C16orf96: variants seen among roughly 807,000 people sequenced by gnomAD.
C16orf96 encodes the protein uncharacterized protein C16orf96.
A neutral mutation model predicts 103.6 loss-of-function variants in C16orf96; 108 were observed. The ratio of observed to expected loss-of-function variants is 1.04; its 90% CI spans 0.89 to 1.22. C16orf96 has a LOEUF of 1.22. C16orf96 is among the 50% of genes most tolerant of loss of function. The pLI is 0.00. For synonymous variants in C16orf96, 566 were observed against 593.5 expected, an observed-to-expected ratio of 0.95 and a Z score of 0.67; for missense variants, 1,586 against 1,464.2, an observed-to-expected ratio of 1.08 and a Z score of -1.36.
intron 7 of C16orf96, among the ~76,000 whole-genome samples, chr16:4,580,747 G>A (rs1319500363): frequency 6.6e-6 from 1 of 152,078 alleles, no homozygotes; most frequent in Non-Finnish European, 1.5e-5. Flanking sequence ...AGCACTTTGG[G>A]AGGCCGAGGT....
chr16:4,547,359 ACTC>A, the C16orf96 span, among the ~76,000 whole-genome samples: 2 of 151,320 alleles, frequency 1.3e-5, no homozygotes, highest in African/African-American at 2.4e-5. Flanking sequence ...CTGATCTTGA[ACTC>A]CTGACCTCAA....
intron 14 of C16orf96, 30 bp from the exon 15 acceptor site, chr16:4,599,254 C>T (rs1325155369): frequency 2.6e-6 from 4 of 1,546,036 alleles, no homozygotes; most frequent in Non-Finnish European, 3.5e-6. Flanking sequence ...TGGATGCCAC[C>T]CACACCTGTC....
chr16:4,541,800 T>C, the C16orf96 span, among the ~76,000 whole-genome samples: 2,677 of 152,250 alleles, frequency 0.018, 81 homozygotes, highest in African/African-American at 0.06. Context: ...TTGAGTTCAA[T>C]TGCACTGAAT....
chr16:4,548,684 C>T, the C16orf96 span, among the ~76,000 whole-genome samples: 1 of 152,042 alleles, frequency 6.6e-6, no homozygotes, highest in Non-Finnish European at 1.5e-5. Context: ...ACCAGCCTGG[C>T]CAACATGGTG....
intron 14 of C16orf96, among the ~76,000 whole-genome samples, chr16:4,595,510 C>T (rs1471524473): frequency 6.6e-6 from 1 of 152,208 alleles, no homozygotes. Flanking sequence ...GAGTCCATCA[C>T]TGGGTTCGAA....
the C16orf96 span, among the ~76,000 whole-genome samples, chr16:4,549,799 A>G: frequency 2.6e-5 from 4 of 152,024 alleles, no homozygotes; most frequent in Non-Finnish European, 1.5e-5. Context: ...AACAAAATAA[A>G]ATAAAAAGGA....
chr16:4,548,929 GCCATCTGCT>G, the C16orf96 span, among the ~76,000 whole-genome samples: 1 of 151,192 alleles, frequency 6.6e-6, no homozygotes, highest in African/African-American at 2.4e-5. Context: ...TATAACCAGT[GCCATCTGCT>G]GGCAACACAG....
intron 7 of C16orf96, among the ~76,000 whole-genome samples, chr16:4,582,229 C>T (rs1018000075): frequency 3.3e-5 from 5 of 151,858 alleles, no homozygotes; most frequent in South Asian, 2.1e-4. Flanking sequence ...TTGCAGTGAG[C>T]GAAGATTGCG....
intron 1 of C16orf96, among the ~76,000 whole-genome samples, chr16:4,566,719 G>C (rs2059388555): frequency 6.6e-6 from 1 of 151,872 alleles, no homozygotes. Context: ...TACTCGGATT[G>C]TCTATTTCTG....
rs1052824125 is a variant in C16orf96, at chr16:4,575,358, C to T, written c.878C>T (p.Ser293Leu). ...GTCCCAGAGCTCCTCCCGGAGGGCT[C>T]ATCTGCCCAAGCAGTTTCACTCAGC... ...YEVPELLPEG[S>L]SAQAVSLSRA... The change falls in exon 5 of 16, where the codon TCA (serine) becomes TTA (leucine). Residue 293 changes from serine (S) to leucine (L), a missense_variant. By Grantham distance (145) the Ser-to-Leu change is moderately radical. Transcript: ENST00000444310. 10 of 1,551,086 alleles carry T rather than the reference C, an allele frequency of 6.4e-6. No homozygotes were observed. Among genetic ancestry groups the T allele is most frequent in the African/African-American group, 1.4e-5 (1 of 73,060 alleles).
At chr16:4,592,593 A>ACATC (rs540936589) in intron 11 of C16orf96, among the ~76,000 whole-genome samples, 111 of 152,344 alleles carry the variant, frequency 7.3e-4, no homozygotes, top group Admixed American at 1.2e-3. Context: ...AAGTCCATAC[A>ACATC]CATCCATGTA....
Position 4,575,527 on chromosome 16 carries a change from C to T in C16orf96, c.1047C>T (p.Ala349=), listed in dbSNP as rs931211566. ...GGCTGGAGCTGGAGCCTGTGCCTGC[C>T]CTGGGGCCTGTCCCAGGGCCCAGTG... ...ELGLELEPVP[A]LGPVPGPSVT... is the part of the protein sequence containing the mutation. The change falls in exon 5 of 16, where the codon GCC becomes GCT. Residue 349 remains alanine (A), a synonymous_variant. Transcript: ENST00000444310. 10 of 1,545,080 alleles carry T rather than the reference C, an allele frequency of 6.5e-6. No individual in the cohort carries two copies. In the African/African-American group the frequency reaches 8.2e-5, roughly 13 times the overall value.
chr16:4,591,046 G>A (rs1157541026), intron 9 of C16orf96, among the ~76,000 whole-genome samples: 1 of 150,942 alleles, frequency 6.6e-6, no homozygotes, highest in Non-Finnish European at 1.5e-5. Flanking sequence ...AAAAAGCCAG[G>A]TGTGGTAACA....
chr16:4,576,153 A>G lies in C16orf96; in HGVS notation c.1673A>G (p.Gln558Arg). The change falls in exon 5 of 16, where the codon CAG becomes CGG. Residue 558 changes from glutamine (Q) to arginine (R), a missense_variant. Coordinates refer to ENST00000444310, the MANE Select transcript of C16orf96 (RefSeq NM_001145011.2). The part of the protein sequence containing the change: ...APKEAQPKAP[Q>R]SALHRLKTTA... ...AAGGAAGCACAGCCTAAGGCTCCCCAGTCTGCCCTTCACCGGCTGAAAACC... is the reference window on the plus strand; with the variant it reads ...AAGGAAGCACAGCCTAAGGCTCCCCGGTCTGCCCTTCACCGGCTGAAAACC... 1 of 1,551,322 alleles carries G rather than the reference A, an allele frequency of 6.4e-7. No homozygotes were observed. The highest frequency in any genetic ancestry group is 8.7e-7 in the Non-Finnish European group (1 of 1,147,002).
At chr16:4,550,177 C>T in the C16orf96 span, among the ~76,000 whole-genome samples, 1 of 151,356 alleles carries the variant, frequency 6.6e-6, no homozygotes, top group African/African-American at 2.4e-5. Flanking sequence ...CTCTGCCTCT[C>T]GGGCTCAAGC....
intron 7 of C16orf96, 41 bp from the exon 8 acceptor site, chr16:4,586,998 G>A: frequency 1.3e-6 from 2 of 1,523,426 alleles, no homozygotes; most frequent in Non-Finnish European, 1.8e-6. Context: ...TATCCTCAAG[G>A]CTCTCCAGGA....
chr16:4,555,068 G>A (rs1366724652), upstream of C16orf96, among the ~76,000 whole-genome samples: 2 of 151,720 alleles, frequency 1.3e-5, no homozygotes. Flanking sequence ...TTTGAGACCA[G>A]CCTGGCCAAC....
chr16:4,587,013 A>G, intron 7 of C16orf96, 26 bp from the exon 8 acceptor site: 1 of 1,547,396 alleles, frequency 6.5e-7, no homozygotes, highest in South Asian at 1.2e-5. Flanking sequence ...CCAGGATGGC[A>G]GACATGCCTG....
At chr16:4,588,401 A>G in intron 9 of C16orf96, 70 bp downstream of exon 9, 1 of 1,479,912 alleles carries the variant, frequency 6.8e-7, no homozygotes, top group Non-Finnish European at 9.1e-7. Flanking sequence ...ACTGCAAACA[A>G]CAAACGTTTT....
Sources: gnomAD v4.1 joint callset for allele counts (sites outside exome capture counted in the v4.1 genomes callset) on GRCh38, gnomAD v4.1.1 for gene constraint, MANE v1.5 for transcripts, NCBI Gene and HGNC (gene_info 2026-07-23, HGNC 2026-07-21) for gene names.